HECW2: variants seen among roughly 807,000 people sequenced by gnomAD.
HECW2 encodes E3 ubiquitin-protein ligase HECW2.
HECW2 carries 61 observed loss-of-function variants against 175.2 expected under a neutral mutation model. The ratio of observed to expected loss-of-function variants is 0.35; its 90% confidence interval spans 0.28 to 0.43. The LOEUF (loss-of-function observed/expected upper bound fraction) is 0.43. HECW2 is among the 20% of genes least tolerant of loss of function. HECW2 has a pLI of 1.00. For missense variants in HECW2, 1,524 were observed against 2,000.5 expected, an observed-to-expected ratio of 0.76 and a Z score of 4.54; for synonymous variants, 671 against 731.0, an observed-to-expected ratio of 0.92 and a Z score of 1.32.
At chr2:196,452,420 C>T (rs1004302135) in intron 1 of HECW2, among the ~76,000 whole-genome samples, 2 of 152,140 alleles carry the variant, frequency 1.3e-5, no homozygotes, top group Non-Finnish European at 2.9e-5. Context: ...AACAACTATA[C>T]TCCCAACTCA....
chr2:196,577,870 A>G (rs868166781), intron 1 of HECW2, among the ~76,000 whole-genome samples: 5 of 152,188 alleles, frequency 3.3e-5, no homozygotes, highest in Non-Finnish European at 2.9e-5. Context: ...TCAATAAATA[A>G]ACAACAACAA....
At chr2:196,266,496 C>T (rs923740371) in intron 17 of HECW2, among the ~76,000 whole-genome samples, 1 of 152,280 alleles carries the variant, frequency 6.6e-6, no homozygotes, top group Admixed American at 6.5e-5. Context: ...GTCCAGACAT[C>T]TGAGTGATAA....
chr2:196,463,404 G>T (rs1479898880), intron 1 of HECW2, among the ~76,000 whole-genome samples: 2 of 106,382 alleles, frequency 1.9e-5, no homozygotes, highest in Non-Finnish European at 3.6e-5. Flanking sequence ...CCTCTACCCT[G>T]CAAAAAAAAA....
At chr2:196,204,461 A>C (rs1686993936) in intron 28 of HECW2, among the ~76,000 whole-genome samples, 1 of 152,178 alleles carries the variant, frequency 6.6e-6, no homozygotes, top group African/African-American at 2.4e-5. Context: ...GAATTTGAAG[A>C]AGGAAGCTAC....
At chr2:196,311,340 C>T (rs1431047581) in intron 10 of HECW2, among the ~76,000 whole-genome samples, 1 of 152,188 alleles carries the variant, frequency 6.6e-6, no homozygotes, top group African/African-American at 2.4e-5. Flanking sequence ...GCTCAGTTAT[C>T]TACACTTTTA....
At chr2:196,467,149 T>A (rs556921348) in intron 1 of HECW2, among the ~76,000 whole-genome samples, 117 of 152,238 alleles carry the variant, frequency 7.7e-4, no homozygotes, top group Non-Finnish European at 1.3e-3. Flanking sequence ...TAGCTTGTCT[T>A]CAGTAAATTG....
chr2:196,531,040 G>C (rs1013344817), intron 1 of HECW2, among the ~76,000 whole-genome samples: 2 of 152,100 alleles, frequency 1.3e-5, no homozygotes, highest in African/African-American at 4.8e-5. Context: ...TTAAGACTGG[G>C]TTCCATTTCC....
chr2:196,406,188 T>G (rs138434955), intron 2 of HECW2, among the ~76,000 whole-genome samples: 140 of 152,294 alleles, frequency 9.2e-4, no homozygotes, highest in Admixed American at 1.6e-3. Flanking sequence ...TCTTCCTTCT[T>G]GACATATTCA....
rs554783205 is a variant in HECW2 at position 196,367,792 on chromosome 2, T to G, written c.293-24028A>C. On this transcript the variant is annotated intron_variant, in intron 2 of 28. Coordinates refer to ENST00000644978, the MANE Select transcript of HECW2 (RefSeq NM_001348768.2). The stretch of plus-strand genomic sequence containing the variant: ...TTTCACTTAACATAATGACCTCCAG[T>G]ATCATCCATGTTGTTGCAAATGACA... Among the ~76,000 whole-genome samples the G allele has an allele frequency of 5.9e-5, 9 of 152,110 alleles. No homozygotes were observed. The South Asian group carries it at 6.2e-4, about 11-fold the overall frequency.
chr2:196,228,361 T>C (rs1687928654), intron 21 of HECW2, 107 bp from the exon 22 acceptor site: 5 of 1,002,144 alleles, frequency 5.0e-6, no homozygotes, highest in South Asian at 1.7e-5. Context: ...ACAAATCTAA[T>C]TGTCCACATG....
chr2:196,284,135 G>A (rs1690294162), intron 14 of HECW2, among the ~76,000 whole-genome samples: 1 of 152,064 alleles, frequency 6.6e-6, no homozygotes, highest in Non-Finnish European at 1.5e-5. Context: ...TGTATTGAAT[G>A]AGGCTGACGG....
chr2:196,351,820 G>T (rs1360694864), intron 2 of HECW2, among the ~76,000 whole-genome samples: 1 of 152,186 alleles, frequency 6.6e-6, no homozygotes, highest in Non-Finnish European at 1.5e-5. Flanking sequence ...TGGAATTTGG[G>T]ATTGGAGAGC....
chr2:196,458,423 C>CT (rs1575564292), intron 1 of HECW2, among the ~76,000 whole-genome samples: 1 of 138,192 alleles, frequency 7.2e-6, no homozygotes, highest in Non-Finnish European at 1.6e-5. Flanking sequence ...TTCTCTCTCT[C>CT]CCTCTCACTC....
At chr2:196,550,425 TA>T (rs397814678) in intron 1 of HECW2, among the ~76,000 whole-genome samples, 12,193 of 146,810 alleles carry the variant, frequency 0.083, 630 homozygotes, top group South Asian at 0.16. Flanking sequence ...ATGAGCTAAG[TA>T]AAAAAAAAAA....
At chr2:196,248,631 C>CACACACACAG (rs779364588) in intron 19 of HECW2, among the ~76,000 whole-genome samples, 21 of 148,500 alleles carry the variant, frequency 1.4e-4, no homozygotes, top group South Asian at 6.5e-4. Context: ...CACACACACA[C>CACACACACAG]AGAGAGAGAC....
chr2:196,335,522 A>T (rs756565866), intron 3 of HECW2, among the ~76,000 whole-genome samples: 2 of 152,214 alleles, frequency 1.3e-5, no homozygotes, highest in Non-Finnish European at 2.9e-5. Context: ...GGGGCTGCTC[A>T]ATGTATTTCC....
intron 10 of HECW2, among the ~76,000 whole-genome samples, chr2:196,312,240 G>A (rs768764924): frequency 4.6e-5 from 7 of 150,924 alleles, no homozygotes; most frequent in Non-Finnish European, 8.9e-5. Context: ...AACGTATCAG[G>A]GATGGGTGGG....
At chr2:196,438,890 A>G (rs1202703016) in intron 1 of HECW2, among the ~76,000 whole-genome samples, 3 of 152,204 alleles carry the variant, frequency 2.0e-5, no homozygotes, top group African/African-American at 7.2e-5. Flanking sequence ...ATAGTCTTCA[A>G]AAGCAGAACA....
chr2:196,343,178 C>T (rs1692826109), intron 3 of HECW2, among the ~76,000 whole-genome samples: 1 of 152,058 alleles, frequency 6.6e-6, no homozygotes, highest in Non-Finnish European at 1.5e-5. Flanking sequence ...TACCAAAATC[C>T]ACAGATGCTC....
Sources: allele counts gnomAD v4.1 joint callset (sites outside exome capture counted in the v4.1 genomes callset), GRCh38; gene constraint gnomAD v4.1.1; transcripts MANE v1.5; gene names NCBI Gene and HGNC (gene_info 2026-07-23, HGNC 2026-07-21).